PAPPA: variants seen among roughly 807,000 people sequenced by gnomAD.
PAPPA encodes the protein pappalysin 1, also known as pappalysin-1.
A neutral mutation model predicts 164.0 loss-of-function variants in PAPPA; 60 were observed. That is an observed-to-expected ratio of 0.37 (90% confidence interval 0.30 to 0.45). PAPPA has a LOEUF of 0.45. Among genes scored for constraint, PAPPA ranks in the 20% least tolerant of loss-of-function variants. PAPPA has a pLI of 1.00. For synonymous variants in PAPPA, 875 were observed against 814.1 expected (o/e 1.07, Z -1.27); for missense variants, 1,782 against 2,087.3 (o/e 0.85, Z 2.85).
chr9:116,354,645 C>A (rs1354340412), intron 17 of PAPPA, among the ~76,000 whole-genome samples: 1 of 152,144 alleles, frequency 6.6e-6, no homozygotes, highest in Non-Finnish European at 1.5e-5. Flanking sequence ...CATACCCATT[C>A]TCCCACAACA....
At chr9:116,315,896 G>C (rs1564222315) in intron 10 of PAPPA, among the ~76,000 whole-genome samples, 1 of 152,192 alleles carries the variant, frequency 6.6e-6, no homozygotes, top group Non-Finnish European at 1.5e-5. Context: ...AAAGAGAATG[G>C]CTTGGCTGTC....
chr9:116,202,196 T>C (rs567215365), intron 2 of PAPPA, among the ~76,000 whole-genome samples: 59 of 152,320 alleles, frequency 3.9e-4, no homozygotes, highest in Middle Eastern at 3.4e-3. Flanking sequence ...TGATTTTATT[T>C]AACGGATTTG....
chr9:116,369,730 G>A (rs1314074909), intron 19 of PAPPA, among the ~76,000 whole-genome samples: 1 of 152,056 alleles, frequency 6.6e-6, no homozygotes, highest in Non-Finnish European at 1.5e-5. Context: ...CCAGGGATTT[G>A]AAAGCCTGCA....
At chr9:116,353,023 G>A (rs1228257505) in intron 16 of PAPPA, 107 bp downstream of exon 16, 5 of 797,518 alleles carry the variant, frequency 6.3e-6, no homozygotes, top group South Asian at 2.9e-5. Context: ...GGTAATGACT[G>A]CCATTCATCC....
Position 116,294,567 on chromosome 9 carries a change from A to G in PAPPA, c.2954-8190A>G, listed in dbSNP as rs147680015. ...TCCCAGAGGAAACATATGCCAATAT[A>G]TAGCCACCTCCCAGCCCCACCCAAG... On this transcript the variant is annotated intron_variant, in intron 9 of 21. Transcript: ENST00000328252. Among the ~76,000 whole-genome samples, 623 of 152,334 alleles carry G rather than the reference A, an allele frequency of 4.1e-3. 4 individuals are homozygous for G. Among genetic ancestry groups the G allele is most frequent in the Non-Finnish European group, 6.8e-3 (464 of 68,028 alleles).
intron 10 of PAPPA, among the ~76,000 whole-genome samples, chr9:116,312,844 G>T (rs1469593489): frequency 1.3e-5 from 2 of 152,000 alleles, no homozygotes; most frequent in Non-Finnish European, 2.9e-5. Context: ...AGCACTTTGG[G>T]AGGCCAGGGC....
At chr9:116,181,134 G>A (rs1246033454) in intron 1 of PAPPA, among the ~76,000 whole-genome samples, 2 of 152,220 alleles carry the variant, frequency 1.3e-5, no homozygotes, top group Non-Finnish European at 2.9e-5. Context: ...CAGGCATTAG[G>A]AGATAAGATA....
At chr9:116,179,639 T>C (rs1843879907) in intron 1 of PAPPA, among the ~76,000 whole-genome samples, 1 of 152,206 alleles carries the variant, frequency 6.6e-6, no homozygotes, top group African/African-American at 2.4e-5. Context: ...TCCTCGGTGA[T>C]ATCCCAGCCT....
chr9:116,321,606 G>T (rs773605764), intron 10 of PAPPA, among the ~76,000 whole-genome samples: 17 of 152,276 alleles, frequency 1.1e-4, no homozygotes, highest in Middle Eastern at 6.8e-3. Context: ...ACGTGGGAAT[G>T]AGTCCTGGTT....
chr9:116,156,360 A>ATG (rs1843605643), intron 1 of PAPPA, among the ~76,000 whole-genome samples: 1 of 144,240 alleles, frequency 6.9e-6, no homozygotes, highest in Non-Finnish European at 1.5e-5. Flanking sequence ...ATATATATAT[A>ATG]TATAACACCT....
intron 12 of PAPPA, among the ~76,000 whole-genome samples, chr9:116,334,594 T>C (rs1266882049): frequency 3.3e-5 from 5 of 150,654 alleles, no homozygotes; most frequent in South Asian, 2.1e-4. Flanking sequence ...GGGTGGCCAT[T>C]TGGGGGAGGG....
At chr9:116,240,454 G>C (rs1350333668) in intron 7 of PAPPA, among the ~76,000 whole-genome samples, 2 of 152,088 alleles carry the variant, frequency 1.3e-5, no homozygotes, top group Admixed American at 6.6e-5. Flanking sequence ...TTTTCTCCTG[G>C]TGCATTCCAA....
intron 6 of PAPPA, 37 bp downstream of exon 6, chr9:116,227,589 G>A: frequency 1.9e-6 from 3 of 1,611,282 alleles, no homozygotes; most frequent in Non-Finnish European, 2.5e-6. Flanking sequence ...GACAGGAGGA[G>A]TGTGCAAAGA....
Position 116,220,194 on chromosome 9 carries a change from A to G in PAPPA, c.2111+65A>G, listed in dbSNP as rs956972506. On this transcript the variant is annotated intron_variant, in intron 5 of 21. Transcript: ENST00000328252. ...TCCTGCCAAGAAGAAGGAAACTTGGAAGGGAAGCAGACTTGGAGAGGGATT... is the reference window on the plus strand; with the variant it reads ...TCCTGCCAAGAAGAAGGAAACTTGGGAGGGAAGCAGACTTGGAGAGGGATT... 5.5e-5 allele frequency: 71 copies of G among 1,296,658 alleles called. No homozygotes were observed. The South Asian group carries it at 8.0e-4, about 15-fold the overall frequency. 80.3% of individuals were successfully genotyped at this position (1,296,658 alleles called of 1,614,324 possible). A position where few individuals can be genotyped will look rare whatever the true frequency, so the allele number is the denominator to read the frequency against.
Position 116,334,965 on chromosome 9 carries a change from T to C in PAPPA, c.3502T>C (p.Ser1168Pro). Reference sequence around the variant, plus strand: ...CCAGGCGGTACGTGTGAGCTTCAGTTCGCCCCTGGTCGCCATCTCGGGGGT... The same window carrying C: ...CCAGGCGGTACGTGTGAGCTTCAGTCCGCCCCTGGTCGCCATCTCGGGGGT... ...HSQAVRVSFS[S>P]PLVAISGVAL... The change falls in exon 13 of 22, where the codon TCG becomes CCG. Residue 1168 changes from serine to proline, a missense_variant. By Grantham distance (74) the Ser-to-Pro change is moderately conservative. This residue lies in a region of PAPPA where 1,324 missense variants were observed against 1,656.9 expected (regional missense o/e 0.80). Transcript: ENST00000328252. The C allele has an allele frequency of 6.2e-7, 1 of 1,612,908 alleles. No homozygotes were observed. Among genetic ancestry groups the C allele is most frequent in the Non-Finnish European group, 8.5e-7 (1 of 1,179,830 alleles).
chr9:116,277,958 G>A (rs1845221528), intron 9 of PAPPA, among the ~76,000 whole-genome samples: 4 of 152,272 alleles, frequency 2.6e-5, no homozygotes, highest in South Asian at 2.1e-4. Flanking sequence ...GTGAGCCACC[G>A]TGCCTGACTG....
At chr9:116,201,985 C>A (rs778844520) in intron 2 of PAPPA, among the ~76,000 whole-genome samples, 2 of 152,116 alleles carry the variant, frequency 1.3e-5, no homozygotes, top group Non-Finnish European at 2.9e-5. Context: ...ATGACTCTGG[C>A]GTGACATTGC....
At chr9:116,202,435 A>G (rs563712366) in intron 2 of PAPPA, among the ~76,000 whole-genome samples, 3 of 152,206 alleles carry the variant, frequency 2.0e-5, no homozygotes, top group East Asian at 3.9e-4. Flanking sequence ...CCAGAACTGC[A>G]CTCATGGCTT....
At chr9:116,275,809 C>G (rs1845190207) in intron 9 of PAPPA, among the ~76,000 whole-genome samples, 1 of 152,096 alleles carries the variant, frequency 6.6e-6, no homozygotes, top group Non-Finnish European at 1.5e-5. Context: ...GGGTGGGTGA[C>G]AGATTTATGG....
Sources: gnomAD v4.1 joint callset for allele counts (sites outside exome capture counted in the v4.1 genomes callset) on GRCh38, gnomAD v4.1.1 for gene constraint, gnomAD v4.1.1 regional missense constraint, MANE v1.5 for transcripts, NCBI Gene and HGNC (gene_info 2026-07-23, HGNC 2026-07-21) for gene names.